The following FHIT variants were observed in gnomAD, a reference collection of about 807,000 sequenced individuals.
FHIT encodes the protein fragile histidine triad diadenosine triphosphatase, also known as bis(5'-adenosyl)-triphosphatase.
Under a neutral mutation model 17.9 loss-of-function variants are expected in FHIT, and 19 were observed. That is an observed-to-expected ratio of 1.06 (90% CI 0.74 to 1.56). FHIT has a LOEUF of 1.56. Among genes scored for constraint, FHIT ranks in the 40% most tolerant of loss-of-function variants. The pLI, the probability that FHIT is intolerant of heterozygous loss-of-function variation, is 0.00. For missense variants in FHIT, 248 were observed against 189.2 expected, an observed-to-expected ratio of 1.31 and a Z score of -1.82; for synonymous variants, 81 against 69.7, an observed-to-expected ratio of 1.16 and a Z score of -0.81.
chr3:60,393,169 T>C (rs1047521143), intron 5 of FHIT, among the ~76,000 whole-genome samples: 4 of 152,118 alleles, frequency 2.6e-5, no homozygotes, highest in Non-Finnish European at 4.4e-5. Context: ...AATAATGTAA[T>C]CAAGATTGCA....
intron 4 of FHIT, among the ~76,000 whole-genome samples, chr3:60,600,983 T>C (rs1452146544): frequency 6.6e-6 from 1 of 152,080 alleles, no homozygotes; most frequent in Non-Finnish European, 1.5e-5. Flanking sequence ...CCCTCACCTA[T>C]GTTTCTCCAT....
At chr3:60,645,821 A>G (rs1427208842) in intron 4 of FHIT, among the ~76,000 whole-genome samples, 3 of 152,284 alleles carry the variant, frequency 2.0e-5, no homozygotes, top group Admixed American at 1.3e-4. Flanking sequence ...CCCCAATTCA[A>G]TTATAATCTC....
intron 5 of FHIT, chr3:60,536,112 A>T (rs1229284250): frequency 6.6e-6 from 1 of 152,186 alleles, no homozygotes. Context: ...TCATATGCAC[A>T]CAATCAGGAG....
chr3:60,154,793 G>A (rs1339032978), intron 5 of FHIT, among the ~76,000 whole-genome samples: 1 of 152,076 alleles, frequency 6.6e-6, no homozygotes, highest in Non-Finnish European at 1.5e-5. Context: ...TTTGTTTCTT[G>A]CAAACAGTCA....
chr3:60,041,984 A>G (rs1701458416), intron 5 of FHIT, among the ~76,000 whole-genome samples: 1 of 152,246 alleles, frequency 6.6e-6, no homozygotes, highest in Admixed American at 6.5e-5. Context: ...AGAAGTATAC[A>G]ATAAAAAAAT....
intron 5 of FHIT, among the ~76,000 whole-genome samples, chr3:60,116,014 C>A (rs188011494): frequency 6.6e-6 from 1 of 152,130 alleles, no homozygotes; most frequent in East Asian, 1.9e-4. Flanking sequence ...TTCAAATATT[C>A]TTTAATAAAT....
At chr3:61,047,276 A>G (rs1296942878) in intron 2 of FHIT, among the ~76,000 whole-genome samples, 2 of 152,252 alleles carry the variant, frequency 1.3e-5, no homozygotes, top group African/African-American at 4.8e-5. Context: ...AGGCAACTTC[A>G]GCAAAGTCTC....
chr3:61,111,960 G>A (rs776303227), intron 2 of FHIT, among the ~76,000 whole-genome samples: 17 of 152,266 alleles, frequency 1.1e-4, no homozygotes, highest in Admixed American at 4.6e-4. Flanking sequence ...GCCTCTATGC[G>A]TGGTGCTTTG....
At chr3:60,594,987 C>G (rs1553665721) in intron 4 of FHIT, among the ~76,000 whole-genome samples, 1 of 152,052 alleles carries the variant, frequency 6.6e-6, no homozygotes, top group Non-Finnish European at 1.5e-5. Context: ...TTTGTTTCCA[C>G]CTGTTGTATC....
chr3:60,196,043 A>G (rs1244056173), intron 5 of FHIT, among the ~76,000 whole-genome samples: 1 of 152,142 alleles, frequency 6.6e-6, no homozygotes, highest in African/African-American at 2.4e-5. Context: ...TTTAAACGAA[A>G]AAAACTTGAA....
chr3:60,288,008 G>A (rs1707808142), intron 5 of FHIT, among the ~76,000 whole-genome samples: 1 of 152,024 alleles, frequency 6.6e-6, no homozygotes, highest in African/African-American at 2.4e-5. Flanking sequence ...CTGATTAGCT[G>A]AGTGGTTCTG....
chr3:60,802,603 G>A (rs946675623), intron 4 of FHIT, among the ~76,000 whole-genome samples: 1 of 151,930 alleles, frequency 6.6e-6, no homozygotes, highest in African/African-American at 2.4e-5. Context: ...CTCAATATTT[G>A]TTTTTTTGTT....
intron 5 of FHIT, among the ~76,000 whole-genome samples, chr3:60,106,369 T>C (rs1227707758): frequency 6.6e-6 from 1 of 152,140 alleles, no homozygotes; most frequent in Non-Finnish European, 1.5e-5. Context: ...CTTCTATCCA[T>C]GAAACTGGGA....
chr3:60,782,204 C>T (rs948597611), intron 4 of FHIT, among the ~76,000 whole-genome samples: 2 of 139,738 alleles, frequency 1.4e-5, no homozygotes, highest in African/African-American at 5.7e-5. Context: ...ATTTTTAAGG[C>T]TGAAGAATAT....
At chr3:60,500,771 T>TTAAAAAAAA (rs751877681) in intron 5 of FHIT, among the ~76,000 whole-genome samples, 1 of 64,864 alleles carries the variant, frequency 1.5e-5, no homozygotes, top group African/African-American at 6.2e-5. Flanking sequence ...AGCATCCATC[T>TTAAAAAAAA]AAAAAAAAAA....
intron 8 of FHIT, among the ~76,000 whole-genome samples, chr3:59,753,335 C>A (rs1292389158): frequency 6.6e-6 from 1 of 152,140 alleles, no homozygotes; most frequent in Non-Finnish European, 1.5e-5. Context: ...ACACTTGAAT[C>A]ATTTAAATTC....
At chr3:60,603,445 T>C (rs184643606) in intron 4 of FHIT, among the ~76,000 whole-genome samples, 2 of 152,294 alleles carry the variant, frequency 1.3e-5, no homozygotes, top group Non-Finnish European at 2.9e-5. Context: ...TATCTTCCTA[T>C]CTGTACATGT....
In FHIT at chr3:60,879,234, T is replaced by C. The variant is rs200826210; in HGVS notation, c.-110-57223A>G. On this transcript the variant is annotated intron_variant, in intron 3 of 9. Coordinates refer to ENST00000492590, the MANE Select transcript of FHIT (RefSeq NM_002012.4). ...GTGGTTTTGATTTGCATTTCTCTGA[T>C]GGCCAGTGATGATGAGCACCACCAT... Among the ~76,000 whole-genome samples the C allele has an allele frequency of 4.6e-5, 7 of 152,282 alleles. No individual in the cohort carries two copies. In the East Asian group the frequency reaches 1.4e-3, roughly 29 times the overall value.
intron 5 of FHIT, among the ~76,000 whole-genome samples, chr3:60,127,753 T>C (rs1705623343): frequency 6.6e-6 from 1 of 152,034 alleles, no homozygotes; most frequent in Admixed American, 6.6e-5. Context: ...GGCGTGCTCC[T>C]CCATGTCAGC....
Sources: gnomAD v4.1 joint callset for allele counts (sites outside exome capture counted in the v4.1 genomes callset) on GRCh38, gnomAD v4.1.1 for gene constraint, MANE v1.5 for transcripts, NCBI Gene and HGNC (gene_info 2026-07-23, HGNC 2026-07-21) for gene names.